GABRA4: variants seen among roughly 807,000 people sequenced by gnomAD.
GABRA4 encodes gamma-aminobutyric acid type A receptor subunit alpha4.
GABRA4 carries 12 observed loss-of-function variants against 49.7 expected under a neutral mutation model. That is an observed-to-expected ratio of 0.24 (90% CI 0.15 to 0.39). The LOEUF (loss-of-function observed/expected upper bound fraction) is 0.39. GABRA4 is among the 10% of genes least tolerant of loss of function. The pLI is 1.00. For synonymous variants in GABRA4, 288 were observed against 240.2 expected (o/e 1.20, Z -1.84); for missense variants, 506 against 686.0 (o/e 0.74, Z 2.93).
chr4:46,929,664 A>G (rs1380576055), intron 8 of GABRA4, among the ~76,000 whole-genome samples: 1 of 152,102 alleles, frequency 6.6e-6, no homozygotes, highest in East Asian at 1.9e-4. Flanking sequence ...AAGGACAGTA[A>G]TTTCTCAGAT....
At chr4:46,931,034 G>A (rs554417993) in intron 8 of GABRA4, among the ~76,000 whole-genome samples, 18 of 152,076 alleles carry the variant, frequency 1.2e-4, no homozygotes, top group African/African-American at 3.6e-4. Flanking sequence ...AGAGTTCACA[G>A]GACAAAGTAC....
intron 8 of GABRA4, among the ~76,000 whole-genome samples, chr4:46,949,423 C>A (rs1462428029): frequency 2.0e-5 from 3 of 152,008 alleles, no homozygotes. Flanking sequence ...ATTGGTCAAG[C>A]AAGGACATTT....
At chr4:46,991,855 G>A (rs779473807) in intron 2 of GABRA4, among the ~76,000 whole-genome samples, 12 of 152,156 alleles carry the variant, frequency 7.9e-5, no homozygotes, top group Non-Finnish European at 1.6e-4. Flanking sequence ...AATATTACTG[G>A]CTGTTATTAT....
At chr4:46,943,052 G>A (rs1021992043) in intron 8 of GABRA4, among the ~76,000 whole-genome samples, 1 of 151,880 alleles carries the variant, frequency 6.6e-6, no homozygotes, top group African/African-American at 2.4e-5. Flanking sequence ...GATATTTATT[G>A]AGTGCCAGGC....
At chr4:46,986,585 A>C (rs1051155774) in intron 2 of GABRA4, among the ~76,000 whole-genome samples, 1 of 151,980 alleles carries the variant, frequency 6.6e-6, no homozygotes, top group Non-Finnish European at 1.5e-5. Context: ...TCAAAACTCA[A>C]TATTTGTACC....
At chr4:46,991,557 A>G (rs193087278) in intron 2 of GABRA4, among the ~76,000 whole-genome samples, 15 of 152,256 alleles carry the variant, frequency 9.9e-5, no homozygotes, top group Non-Finnish European at 1.9e-4. Flanking sequence ...CATCTCCTAC[A>G]CACCCTCAAT....
At position 46,965,328 on chromosome 4, in the gene GABRA4, G is replaced by T. The variant is rs1001548910; in HGVS notation, c.875-99C>A. ...AAAACCTAGAAAATCATGTGGAATA[G>T]GGTTAACAAAACTACAATAACTCAA... On this transcript the variant is annotated intron_variant, in intron 7 of 8. Transcript: ENST00000264318. The T allele has an allele frequency of 3.9e-6, 4 of 1,019,764 alleles. No homozygotes were observed. The African/African-American group carries it at 6.6e-5, about 17-fold the overall frequency. The allele number at this position is 1,019,764 out of a possible 1,614,324, so 63.2% of individuals were successfully genotyped here.
In GABRA4 at chr4:46,946,854, C is replaced by G. The variant is rs1212371907; in HGVS notation, c.1135-18099G>C. 6.6e-5 allele frequency among the ~76,000 whole-genome samples: 10 copies of G among 152,146 alleles called. No individual in the cohort carries two copies. The East Asian group carries it at 1.9e-3, about 29-fold the overall frequency. ...ACACAAAGCAATAATAAAAGTGCAG[C>G]AGATTCAAAAATAATTGGATCTAAT... On this transcript the variant is annotated intron_variant, in intron 8 of 8. Coordinates refer to ENST00000264318, the MANE Select transcript of GABRA4 (RefSeq NM_000809.4).
chr4:46,940,387 C>T (rs988628949), intron 8 of GABRA4, among the ~76,000 whole-genome samples: 6 of 151,946 alleles, frequency 3.9e-5, no homozygotes, highest in Non-Finnish European at 8.8e-5. Context: ...CAATCACTCT[C>T]AAAATTTTCT....
intron 8 of GABRA4, among the ~76,000 whole-genome samples, chr4:46,941,812 C>G (rs1432854748): frequency 6.6e-6 from 1 of 152,078 alleles, no homozygotes; most frequent in Non-Finnish European, 1.5e-5. Context: ...TTGCCCAGAT[C>G]TGCCAATTGT....
At chr4:46,980,348 C>G (rs1259383666) in intron 2 of GABRA4, among the ~76,000 whole-genome samples, 1 of 140,756 alleles carries the variant, frequency 7.1e-6, no homozygotes, top group Non-Finnish European at 1.5e-5. Context: ...CACTTGGATT[C>G]TTGCTTGGGA....
At chr4:46,948,851 T>C (rs939393793) in intron 8 of GABRA4, among the ~76,000 whole-genome samples, 1 of 152,122 alleles carries the variant, frequency 6.6e-6, no homozygotes, top group Non-Finnish European at 1.5e-5. Flanking sequence ...GGACATCTTA[T>C]TCAGGATTTC....
intron 7 of GABRA4, among the ~76,000 whole-genome samples, chr4:46,969,474 G>A (rs6447519): frequency 0.52 from 78,720 of 151,228 alleles, 20,789 homozygotes; most frequent in East Asian, 0.7. Flanking sequence ...ATTAGCTTGA[G>A]TGTTAAATGA....
chr4:46,971,643 T>C, intron 6 of GABRA4, among the ~76,000 whole-genome samples: 1 of 151,174 alleles, frequency 6.6e-6, no homozygotes, highest in East Asian at 1.9e-4. Context: ...ACACAGACAC[T>C]GACACATACA....
In GABRA4 at chr4:46,924,035, C is replaced by G. The variant is rs991816091; in HGVS notation, c.*4190G>C. The G allele has an allele frequency of 1.3e-5, 2 of 152,032 alleles. No homozygotes were observed. The highest frequency in any genetic ancestry group is 2.4e-5 in the African/African-American group (1 of 41,410). 9.4% of individuals were successfully genotyped at this position (152,032 alleles called of 1,614,324 possible). A position where few individuals can be genotyped will look rare whatever the true frequency, so the allele number is the denominator to read the frequency against. On this transcript the variant is annotated 3_prime_UTR_variant, in exon 9 of 9. Transcript: ENST00000264318. The stretch of plus-strand genomic sequence containing the variant: ...AGTGGGAATGGAGGCTATAAGAACT[C>G]CAAATCATTCTATAAAATTTAGCTT...
At chr4:46,966,838 A>T (rs1722769607) in intron 7 of GABRA4, among the ~76,000 whole-genome samples, 2 of 151,766 alleles carry the variant, frequency 1.3e-5, no homozygotes, top group South Asian at 4.1e-4. Flanking sequence ...ATTTTGTGAC[A>T]TTGTTAGCAT....
At chr4:46,942,018 A>G (rs1263382998) in intron 8 of GABRA4, among the ~76,000 whole-genome samples, 1 of 152,162 alleles carries the variant, frequency 6.6e-6, no homozygotes, top group Admixed American at 6.6e-5. Flanking sequence ...AAGCAAACAT[A>G]TATCCAGTAG....
chr4:46,971,331 A>T, intron 6 of GABRA4, 96 bp from the exon 7 acceptor site: 3 of 1,136,566 alleles, frequency 2.6e-6, no homozygotes, highest in Non-Finnish European at 3.9e-6. Context: ...CAGGATTCTA[A>T]GGAAAGAAAT....
chr4:46,991,634 T>A (rs1723746967), intron 2 of GABRA4, among the ~76,000 whole-genome samples: 1 of 152,178 alleles, frequency 6.6e-6, no homozygotes, highest in South Asian at 2.1e-4. Context: ...TCTGATACCA[T>A]CCCCATCTGC....
Sources: gnomAD v4.1 joint callset for allele counts (sites outside exome capture counted in the v4.1 genomes callset) on GRCh38, gnomAD v4.1.1 for gene constraint, MANE v1.5 for transcripts, NCBI Gene and HGNC (gene_info 2026-07-23, HGNC 2026-07-21) for gene names.